TULP4: variants seen among roughly 807,000 people sequenced by gnomAD.
TULP4 encodes tubby-related protein 4.
In TULP4, 16 loss-of-function variants were observed where a neutral mutation model predicts 129.0. The ratio of observed to expected loss-of-function variants is 0.12; its 90% CI spans 0.08 to 0.19. The LOEUF (loss-of-function observed/expected upper bound fraction) is 0.19, where lower values mean the gene tolerates loss of function less well. TULP4 is among the 10% of genes least tolerant of loss of function. TULP4 has a pLI of 1.00. For synonymous variants in TULP4, 998 were observed against 854.0 expected (o/e 1.17, Z -2.94); for missense variants, 1,842 against 2,059.1 (o/e 0.89, Z 2.04).
intron 1 of TULP4, among the ~76,000 whole-genome samples, chr6:158,399,465 G>A (rs1190903837): frequency 6.6e-6 from 1 of 152,180 alleles, no homozygotes; most frequent in African/African-American, 2.4e-5. Flanking sequence ...AACTGGAGTA[G>A]AGCCTGAAGT....
intron 3 of TULP4, among the ~76,000 whole-genome samples, chr6:158,430,291 A>AG (rs1778599136): frequency 6.6e-6 from 1 of 150,698 alleles, no homozygotes; most frequent in African/African-American, 2.5e-5. Context: ...CACATGGTAA[A>AG]AAGCTGGAGG....
intron 1 of TULP4, among the ~76,000 whole-genome samples, chr6:158,337,876 C>T (rs1035159006): frequency 2.0e-5 from 3 of 151,584 alleles, no homozygotes; most frequent in African/African-American, 4.8e-5. Context: ...AGAGGAATAT[C>T]GAATCTTGGA....
At chr6:158,348,075 A>G (rs1296091607) in intron 1 of TULP4, among the ~76,000 whole-genome samples, 2 of 151,536 alleles carry the variant, frequency 1.3e-5, no homozygotes, top group Non-Finnish European at 2.9e-5. Context: ...ATTTCTAGCA[A>G]TTGATCACTT....
chr6:158,340,385 CTAAG>C (rs1384216372), intron 1 of TULP4, among the ~76,000 whole-genome samples: 2 of 152,172 alleles, frequency 1.3e-5, no homozygotes, highest in Non-Finnish European at 2.9e-5. Flanking sequence ...CTGAGTGTGC[CTAAG>C]TGAGTCTTTC....
chr6:158,335,236 C>T (rs1455441305), intron 1 of TULP4, among the ~76,000 whole-genome samples: 5 of 150,066 alleles, frequency 3.3e-5, no homozygotes, highest in Admixed American at 1.3e-4. Context: ...GAGATCATGC[C>T]ACTGCACTCC....
At chr6:158,416,689 G>A (rs1373866827) in intron 2 of TULP4, among the ~76,000 whole-genome samples, 1 of 152,198 alleles carries the variant, frequency 6.6e-6, no homozygotes, top group Non-Finnish European at 1.5e-5. Flanking sequence ...TAAGCATCCA[G>A]TGTTGATAAA....
rs547100566 is a variant in TULP4, at chr6:158,456,905, T to G, written c.859+4637T>G. 5.3e-4 allele frequency among the ~76,000 whole-genome samples: 80 copies of G among 152,254 alleles called. 1 individual carries two copies. Among genetic ancestry groups the G allele is most frequent in the African/African-American group, 1.8e-3 (74 of 41,534 alleles). ...GATCTCGTTCTCTGTGCCCCGACAG[T>G]GCTATATGTAGGCAATTTACCTTTT... On this transcript the variant is annotated intron_variant, in intron 5 of 13. Transcript: ENST00000367097.
At chr6:158,486,421 C>T (rs991000636) in intron 8 of TULP4, among the ~76,000 whole-genome samples, 30 of 152,018 alleles carry the variant, frequency 2.0e-4, no homozygotes, top group African/African-American at 2.9e-4. Context: ...GGCGTGGTGG[C>T]GGGTGCATGT....
intron 1 of TULP4, chr6:158,237,430 A>G: frequency 6.3e-7 from 1 of 1,587,082 alleles, no homozygotes; most frequent in South Asian, 1.1e-5. Context: ...TGGGGGTATG[A>G]TGTTACTTGT....
chr6:158,452,415 C>T (rs1012031990), intron 5 of TULP4, 147 bp downstream of exon 5: 24 of 1,014,882 alleles, frequency 2.4e-5, no homozygotes, highest in African/African-American at 3.3e-5. Flanking sequence ...ACTAAAGCCA[C>T]TCCCTCTTCA....
At chr6:158,400,116 GTTTA>G (rs1777806886) in intron 1 of TULP4, among the ~76,000 whole-genome samples, 1 of 152,170 alleles carries the variant, frequency 6.6e-6, no homozygotes, top group Non-Finnish European at 1.5e-5. Context: ...TGTGTGATCA[GTTTA>G]TTGAGATTTA....
chr6:158,331,722 C>CATGTATATAT (rs1779886952), intron 1 of TULP4, among the ~76,000 whole-genome samples: 1 of 36,578 alleles, frequency 2.7e-5, no homozygotes, highest in Non-Finnish European at 5.2e-5. Context: ...CACACACACA[C>CATGTATATAT]ACACACATAC....
chr6:158,345,912 A>T (rs1029777901), intron 1 of TULP4, among the ~76,000 whole-genome samples: 1 of 152,170 alleles, frequency 6.6e-6, no homozygotes, highest in Non-Finnish European at 1.5e-5. Flanking sequence ...CCCAAAGCAG[A>T]CGTTTATAGA....
chr6:158,504,555 A>C (rs1179305179), intron 13 of TULP4, among the ~76,000 whole-genome samples: 2 of 143,594 alleles, frequency 1.4e-5, no homozygotes, highest in Non-Finnish European at 1.5e-5. Context: ...ATGGGGTTTC[A>C]CCGTGTTAGC....
intron 8 of TULP4, 142 bp from the exon 9 acceptor site, chr6:158,489,446 C>A: frequency 1.0e-6 from 1 of 976,984 alleles, no homozygotes; most frequent in Non-Finnish European, 1.5e-6. Flanking sequence ...AAAAACAATG[C>A]CAAGCTTCTT....
intron 1 of TULP4, among the ~76,000 whole-genome samples, chr6:158,400,193 G>C (rs182894844): frequency 5.9e-5 from 9 of 152,278 alleles, no homozygotes; most frequent in Admixed American, 5.2e-4. Flanking sequence ...AAAATTTACT[G>C]AAGTGCATTA....
At chr6:158,318,909 T>A (rs1164962327) in intron 1 of TULP4, among the ~76,000 whole-genome samples, 1 of 3,986 alleles carries the variant, frequency 2.5e-4, no homozygotes, top group African/African-American at 3.8e-4. Context: ...ATTTTTTTTT[T>A]TTTTTTTTTT....
chr6:158,482,568 G>A (rs759940130), intron 8 of TULP4, among the ~76,000 whole-genome samples: 3 of 152,192 alleles, frequency 2.0e-5, no homozygotes, highest in Non-Finnish European at 2.9e-5. Flanking sequence ...AAGCAGGAGA[G>A]AGAGAAGCGC....
intron 1 of TULP4, among the ~76,000 whole-genome samples, chr6:158,284,398 G>GA (rs1329926733): frequency 5.3e-5 from 8 of 152,216 alleles, no homozygotes; most frequent in Non-Finnish European, 8.8e-5. Flanking sequence ...CTGCTTGGCA[G>GA]AAAGAAAGAA....
Sources: allele counts gnomAD v4.1 joint callset (sites outside exome capture counted in the v4.1 genomes callset), GRCh38; gene constraint gnomAD v4.1.1; transcripts MANE v1.5; gene names NCBI Gene and HGNC (gene_info 2026-07-23, HGNC 2026-07-21).